Variants in NLGN1 observed in about 807,000 individuals in gnomAD.
NLGN1 encodes neuroligin 1.
NLGN1 carries 12 observed loss-of-function variants against 65.5 expected under a neutral mutation model. The ratio of observed to expected loss-of-function variants is 0.18; its 90% confidence interval spans 0.12 to 0.30. The LOEUF is 0.30. Among genes scored for constraint, NLGN1 ranks in the 10% least tolerant of loss-of-function variants. The pLI, the probability that NLGN1 is intolerant of heterozygous loss-of-function variation, is 1.00. For synonymous variants in NLGN1, 350 were observed against 359.5 expected (o/e 0.97, Z 0.30); for missense variants, 750 against 1,007.1 (o/e 0.74, Z 3.46).
intron 4 of NLGN1, among the ~76,000 whole-genome samples, chr3:174,222,596 G>C (rs1455038662): frequency 1.3e-5 from 2 of 152,082 alleles, no homozygotes; most frequent in Admixed American, 1.3e-4. Context: ...CCTAGGTTAG[G>C]TTTGGGGTTT....
At chr3:173,860,128 T>G (rs1728774920) in intron 4 of NLGN1, among the ~76,000 whole-genome samples, 1 of 152,032 alleles carries the variant, frequency 6.6e-6, no homozygotes, top group Non-Finnish European at 1.5e-5. Context: ...CTTTGTCATA[T>G]TTGAAATTTA....
intron 3 of NLGN1, among the ~76,000 whole-genome samples, chr3:173,729,962 G>A (rs1407095611): frequency 6.6e-6 from 1 of 151,904 alleles, no homozygotes; most frequent in Non-Finnish European, 1.5e-5. Context: ...ATAGGTCAGT[G>A]AGGCAGAATT....
chr3:174,145,145 C>T (rs188235514), intron 4 of NLGN1, among the ~76,000 whole-genome samples: 2,616 of 152,128 alleles, frequency 0.017, 34 homozygotes, highest in Non-Finnish European at 0.027. Flanking sequence ...CCCAACACCA[C>T]TTATTAAATA....
At chr3:174,088,544 CG>C (rs1165460480) in intron 4 of NLGN1, among the ~76,000 whole-genome samples, 1 of 151,882 alleles carries the variant, frequency 6.6e-6, no homozygotes, top group Non-Finnish European at 1.5e-5. Context: ...ATCACGAGGT[CG>C]GGAGATTGAG....
intron 3 of NLGN1, among the ~76,000 whole-genome samples, chr3:173,746,361 A>C (rs889583898): frequency 6.6e-6 from 1 of 152,124 alleles, no homozygotes; most frequent in African/African-American, 2.4e-5. Flanking sequence ...TTCTCAAGAT[A>C]AAGTTTAAAA....
intron 1 of NLGN1, among the ~76,000 whole-genome samples, chr3:173,413,573 C>A (rs1330246660): frequency 1.3e-5 from 2 of 151,774 alleles, no homozygotes; most frequent in African/African-American, 4.9e-5. Flanking sequence ...GTACTCCAGC[C>A]TGGGTGACAG....
chr3:173,444,905 A>C (rs891216684), intron 2 of NLGN1, among the ~76,000 whole-genome samples: 25 of 152,040 alleles, frequency 1.6e-4, no homozygotes, highest in African/African-American at 5.6e-4. Flanking sequence ...ATTACAGAAA[A>C]TATTTTCTTT....
chr3:174,145,944 A>G (rs567674829), intron 4 of NLGN1, among the ~76,000 whole-genome samples: 4 of 152,366 alleles, frequency 2.6e-5, no homozygotes, highest in Admixed American at 2.0e-4. Flanking sequence ...AGAAAAAACT[A>G]TTTTACATCA....
intron 1 of NLGN1, among the ~76,000 whole-genome samples, chr3:173,434,316 T>G (rs1717712825): frequency 6.6e-6 from 1 of 152,182 alleles, no homozygotes. Flanking sequence ...CATGAGTTCT[T>G]TGTAGTAGTG....
At chr3:174,201,304 G>A (rs1312002362) in intron 4 of NLGN1, among the ~76,000 whole-genome samples, 4 of 141,540 alleles carry the variant, frequency 2.8e-5, no homozygotes, top group Non-Finnish European at 6.1e-5. Flanking sequence ...GGGGGAGGGA[G>A]GGAGGAAGGG....
intron 4 of NLGN1, among the ~76,000 whole-genome samples, chr3:174,114,818 A>G (rs1456898273): frequency 5.3e-5 from 8 of 152,140 alleles, no homozygotes; most frequent in Non-Finnish European, 1.5e-5. Context: ...GGTTCCTAAC[A>G]ATACTAGGAA....
At chr3:173,428,028 C>T (rs990591527) in intron 1 of NLGN1, among the ~76,000 whole-genome samples, 1 of 151,660 alleles carries the variant, frequency 6.6e-6, no homozygotes, top group Admixed American at 6.6e-5. Flanking sequence ...TTGCTATATG[C>T]TCCTGTTATA....
At chr3:173,420,573 T>C (rs1205816934) in intron 1 of NLGN1, among the ~76,000 whole-genome samples, 1 of 152,220 alleles carries the variant, frequency 6.6e-6, no homozygotes, top group East Asian at 1.9e-4. Context: ...CATGATTTTA[T>C]AATCCTCTGG....
intron 3 of NLGN1, among the ~76,000 whole-genome samples, chr3:173,714,112 A>G (rs536694070): frequency 6.6e-5 from 10 of 152,300 alleles, no homozygotes; most frequent in South Asian, 2.1e-4. Context: ...ATTGGTTGTC[A>G]TGATGGTATA....
At chr3:173,870,859 A>G (rs143685576) in intron 4 of NLGN1, among the ~76,000 whole-genome samples, 2 of 152,316 alleles carry the variant, frequency 1.3e-5, no homozygotes, top group African/African-American at 2.4e-5. Context: ...AAACTCCAAT[A>G]TTTGGTCTTT....
At chr3:173,763,173 A>G (rs1033850456) in intron 3 of NLGN1, among the ~76,000 whole-genome samples, 4 of 152,114 alleles carry the variant, frequency 2.6e-5, no homozygotes, top group Admixed American at 1.3e-4. Flanking sequence ...AAAATTTGTC[A>G]GTAGCTCATA....
intron 3 of NLGN1, among the ~76,000 whole-genome samples, chr3:173,667,420 G>T: frequency 6.6e-6 from 1 of 152,072 alleles, no homozygotes; most frequent in East Asian, 1.9e-4. Flanking sequence ...ATAAGACAGA[G>T]ATTTACCCAA....
intron 2 of NLGN1, among the ~76,000 whole-genome samples, chr3:173,548,889 G>A (rs545678266): frequency 1.1e-3 from 170 of 151,820 alleles, no homozygotes; most frequent in African/African-American, 3.8e-3. Context: ...ATTCTACACG[G>A]TACCACTAAA....
chr3:173,876,024 A>G (rs1732045762), intron 4 of NLGN1, among the ~76,000 whole-genome samples: 2 of 152,194 alleles, frequency 1.3e-5, no homozygotes, highest in Non-Finnish European at 2.9e-5. Flanking sequence ...AGAAAATTTT[A>G]AAACTGAAGA....
Sources: gnomAD v4.1 joint callset for allele counts (sites outside exome capture counted in the v4.1 genomes callset) on GRCh38, gnomAD v4.1.1 for gene constraint, MANE v1.5 for transcripts, NCBI Gene and HGNC (gene_info 2026-07-23, HGNC 2026-07-21) for gene names.